TCF20: variants seen among roughly 807,000 people sequenced by gnomAD.
TCF20 encodes transcription factor 20, also known as SPRE-binding protein.
Under a neutral mutation model 148.6 loss-of-function variants are expected in TCF20, and 3 were observed. That is an observed-to-expected ratio of 0.02 (90% CI 0.01 to 0.05). The LOEUF (loss-of-function observed/expected upper bound fraction) is 0.05, where lower values mean the gene tolerates loss of function less well. Among genes scored for constraint, TCF20 ranks in the 10% least tolerant of loss-of-function variants. TCF20 has a pLI of 1.00. For synonymous variants in TCF20, 1,049 were observed against 909.5 expected, an observed-to-expected ratio of 1.15 and a Z score of -2.76; for missense variants, 2,350 against 2,429.3, an observed-to-expected ratio of 0.97 and a Z score of 0.69.
intron 2 of TCF20, among the ~76,000 whole-genome samples, chr22:42,188,233 G>A (rs758031774): frequency 7.4e-6 from 1 of 135,780 alleles, no homozygotes; most frequent in Non-Finnish European, 1.5e-5. Flanking sequence ...GGTGGAGGTT[G>A]CAGTGAGCGA....
chr22:42,282,593 G>A (rs1402377829), intron 1 of TCF20, among the ~76,000 whole-genome samples: 26 of 152,242 alleles, frequency 1.7e-4, no homozygotes, highest in Non-Finnish European at 5.9e-5. Flanking sequence ...CTCTGGTCAC[G>A]CTTGGGAAGC....
intron 1 of TCF20, among the ~76,000 whole-genome samples, chr22:42,216,375 C>T (rs991626208): frequency 1.3e-5 from 2 of 152,130 alleles, no homozygotes; most frequent in African/African-American, 4.8e-5. Flanking sequence ...TCCTTATGTC[C>T]AAGTGCAAAT....
chr22:42,163,441 T>TA (rs1294532602), intron 5 of TCF20, among the ~76,000 whole-genome samples: 1 of 152,204 alleles, frequency 6.6e-6, no homozygotes, highest in African/African-American at 2.4e-5. Context: ...AGAGTTACTT[T>TA]AAAAAAGTTG....
At chr22:42,259,371 G>T (rs5758686) in intron 1 of TCF20, among the ~76,000 whole-genome samples, 27,004 of 152,096 alleles carry the variant, frequency 0.18, 2,643 homozygotes, top group East Asian at 0.34. Context: ...AAGCAAGGAA[G>T]AAACAACTTC....
At position 42,306,086 on chromosome 22, in the gene TCF20, G is replaced by A. The variant is rs572934874; in HGVS notation, c.-37+37393C>T. Among the ~76,000 whole-genome samples the A allele has an allele frequency of 2.2e-4, 34 of 152,354 alleles. 1 individual carries two copies. In the South Asian group the frequency reaches 3.1e-3, roughly 14 times the overall value. On this transcript the variant is annotated intron_variant, in intron 1 of 1. Coordinates refer to the TCF20 transcript ENST00000515426. Reference sequence around the variant, plus strand: ...AAAAACCTCCTGCCTCTGCGAGGGGGCACCGCAGGCAGCGTGGACTGAGTG... The same window carrying A: ...AAAAACCTCCTGCCTCTGCGAGGGGACACCGCAGGCAGCGTGGACTGAGTG...
chr22:42,247,743 C>T (rs141943781), intron 1 of TCF20, among the ~76,000 whole-genome samples: 124 of 152,242 alleles, frequency 8.1e-4, no homozygotes, highest in African/African-American at 2.9e-3. Flanking sequence ...TTACTATTCA[C>T]GAAGCTACAA....
At chr22:42,276,218 A>G (rs1010575498) in intron 1 of TCF20, 1 of 152,240 alleles carries the variant, frequency 6.6e-6, no homozygotes, top group Non-Finnish European at 1.5e-5. Flanking sequence ...TCCTGCTAAG[A>G]ATTCAAACCA....
At chr22:42,191,869 G>A (rs557551312) in intron 2 of TCF20, among the ~76,000 whole-genome samples, 2 of 152,226 alleles carry the variant, frequency 1.3e-5, no homozygotes, top group Non-Finnish European at 2.9e-5. Context: ...AGCAGGAGTA[G>A]GAGACCTGCG....
chr22:42,320,438 C>T (rs1434004878), intron 1 of TCF20, among the ~76,000 whole-genome samples: 1 of 152,208 alleles, frequency 6.6e-6, no homozygotes. Flanking sequence ...TCCTTCCCTC[C>T]TTCAGGTCTC....
rs1286173216 is a variant in TCF20, at chr22:42,175,854, C to T, written c.5749+3755G>A. Among the ~76,000 whole-genome samples, 5 of 152,178 alleles carry T rather than the reference C, an allele frequency of 3.3e-5. No individual in the cohort carries two copies. In the East Asian group the frequency reaches 9.6e-4, roughly 29 times the overall value. ...ATAGGGTCTCACTCTGTTGCCCAGG[C>T]TGGAGTGCAGTGGCCCAACTGAGGG... On this transcript the variant is annotated intron_variant, in intron 3 of 5. Coordinates refer to ENST00000677622, the MANE Select transcript of TCF20 (RefSeq NM_001378418.1).
intron 1 of TCF20, among the ~76,000 whole-genome samples, chr22:42,324,827 G>A (rs1010749811): frequency 9.9e-5 from 15 of 152,208 alleles, no homozygotes; most frequent in African/African-American, 3.4e-4. Flanking sequence ...CAGCAGCCTG[G>A]GGAGTCTTAT....
intron 1 of TCF20, among the ~76,000 whole-genome samples, chr22:42,341,203 T>C (rs1271372672): frequency 6.6e-6 from 1 of 151,604 alleles, no homozygotes; most frequent in Non-Finnish European, 1.5e-5. Context: ...ACTCACACCC[T>C]CTCCAATCAG....
At chr22:42,202,139 G>A (rs974802777) in intron 2 of TCF20, among the ~76,000 whole-genome samples, 2 of 152,142 alleles carry the variant, frequency 1.3e-5, no homozygotes, top group African/African-American at 4.8e-5. Flanking sequence ...AACACCCCTG[G>A]CAAGATGAGC....
chr22:42,270,722 GCGCGC>G (rs1377883269), upstream of TCF20, among the ~76,000 whole-genome samples: 3 of 138,140 alleles, frequency 2.2e-5, no homozygotes, highest in Admixed American at 2.1e-4. Flanking sequence ...GGGCGGGAGG[GCGCGC>G]GGCGGGGCGG....
intron 1 of TCF20, among the ~76,000 whole-genome samples, chr22:42,269,282 G>C (rs1018718511): frequency 6.6e-6 from 1 of 152,042 alleles, no homozygotes; most frequent in Admixed American, 6.5e-5. Flanking sequence ...AGTTACCAGA[G>C]ACATCTAATC....
At chr22:42,310,648 C>T (rs977899820) in intron 1 of TCF20, among the ~76,000 whole-genome samples, 4 of 152,114 alleles carry the variant, frequency 2.6e-5, no homozygotes. Flanking sequence ...AGAGGACTGG[C>T]GTGGCAATGG....
At chr22:42,322,156 T>C in intron 1 of TCF20, among the ~76,000 whole-genome samples, 1 of 151,786 alleles carries the variant, frequency 6.6e-6, no homozygotes, top group East Asian at 1.9e-4. Flanking sequence ...AAAAAGAATC[T>C]GAGGAAACAC....
chr22:42,294,863 G>A (rs1927202312), intron 1 of TCF20, among the ~76,000 whole-genome samples: 1 of 152,230 alleles, frequency 6.6e-6, no homozygotes, highest in Non-Finnish European at 1.5e-5. Flanking sequence ...CACCGGTGCT[G>A]TGGTTGGGTG....
At chr22:42,303,653 C>G (rs1307739260) in intron 1 of TCF20, among the ~76,000 whole-genome samples, 1 of 152,244 alleles carries the variant, frequency 6.6e-6, no homozygotes, top group Admixed American at 6.5e-5. Flanking sequence ...GAGCCACACT[C>G]CCACCCTCAG....
Sources: gnomAD v4.1 joint callset for allele counts (sites outside exome capture counted in the v4.1 genomes callset) on GRCh38, gnomAD v4.1.1 for gene constraint, MANE v1.5 for transcripts, NCBI Gene and HGNC (gene_info 2026-07-23, HGNC 2026-07-21) for gene names.